Variants in SLC5A11 observed in about 807,000 individuals in gnomAD.
The protein encoded by SLC5A11 is solute carrier family 5 member 11.
A neutral mutation model predicts 69.8 loss-of-function variants in SLC5A11; 48 were observed. The observed-to-expected ratio is 0.69, with a 90% confidence interval of 0.55 to 0.87. The LOEUF is 0.87. SLC5A11 is among the 40% of genes least tolerant of loss of function. The pLI, the probability that SLC5A11 is intolerant of heterozygous loss-of-function variation, is 0.00. For synonymous variants in SLC5A11, 319 were observed against 342.4 expected (o/e 0.93, Z 0.75); for missense variants, 784 against 866.1 (o/e 0.91, Z 1.19).
At chr16:24,902,009 G>A (rs1400432755) in intron 10 of SLC5A11, among the ~76,000 whole-genome samples, 1 of 151,508 alleles carries the variant, frequency 6.6e-6, no homozygotes, top group Non-Finnish European at 1.5e-5. Flanking sequence ...CTACTCAGGA[G>A]GCTGAAGTGG....
intron 7 of SLC5A11, among the ~76,000 whole-genome samples, chr16:24,878,184 A>G (rs2047809339): frequency 6.6e-6 from 1 of 152,228 alleles, no homozygotes; most frequent in South Asian, 2.1e-4. Context: ...CATTTTTAAA[A>G]TGCACCACAA....
exon 13 of SLC5A11, chr16:24,908,052 A>G (rs17854935): frequency 6.2e-7 from 1 of 1,613,104 alleles, no homozygotes; most frequent in East Asian, 2.2e-5. Flanking sequence ...ATCTATATCC[A>G]GTCCATCAGC....
chr16:24,911,310 T>G lies in SLC5A11; in HGVS notation c.1823-18T>G. 2 of 1,613,286 alleles carry G rather than the reference T, an allele frequency of 1.2e-6. No individual in the cohort carries two copies. The highest frequency in any genetic ancestry group is 1.7e-6 in the Non-Finnish European group (2 of 1,179,840). Reference sequence around the variant, plus strand: ...TACAGACCACCTCTACGGTCTTCCTTTGCTGGGTTCTTTCTAGGTGACATG... The same window carrying G: ...TACAGACCACCTCTACGGTCTTCCTGTGCTGGGTTCTTTCTAGGTGACATG... On this transcript the variant is annotated intron_variant, in intron 15 of 15. Transcript: ENST00000347898.
chr16:24,869,990 A>T (rs758546885), exon 4 of SLC5A11: 20 of 1,612,818 alleles, frequency 1.2e-5, no homozygotes, highest in Non-Finnish European at 1.4e-5. Flanking sequence ...TTTCTGTATC[A>T]GCTTATGAAC....
chr16:24,868,287 CA>C (rs374049168), intron 3 of SLC5A11, among the ~76,000 whole-genome samples: 2,364 of 129,030 alleles, frequency 0.018, 52 homozygotes, highest in African/African-American at 0.05. Context: ...CAGATTCTTC[CA>C]AAAAAAAAAA....
chr16:24,861,563 GAA>G (rs1266153877), intron 2 of SLC5A11, among the ~76,000 whole-genome samples: 2 of 142,988 alleles, frequency 1.4e-5, no homozygotes, highest in African/African-American at 2.6e-5. Context: ...AGAAAAGAAA[GAA>G]AGAGAGAGAA....
In SLC5A11 at chr16:24,884,113, C is replaced by G. The variant is rs771692090; in HGVS notation, c.646C>G (p.Leu216Val). 1.7e-5 allele frequency: 28 copies of G among 1,613,976 alleles called. 1 individual carries two copies. The South Asian group carries it at 3.1e-4, about 18-fold the overall frequency. The change falls in exon 8 of 16, where the codon CTC (leucine) becomes GTC (valine). Residue 216 changes from leucine to valine, a missense_variant. Around this residue, in one of 3 missense-constraint regions of SLC5A11, gnomAD observed 550 missense variants for 606.4 expected, o/e 0.91. Coordinates refer to ENST00000347898, the Ensembl canonical transcript of SLC5A11. ...GACGCTGATCATGCTTATAGGAGCG[C>G]TCACCTTGATGGGCTACAGTAAGTG...
intron 1 of SLC5A11, among the ~76,000 whole-genome samples, chr16:24,852,534 A>AG (rs1446272300): frequency 6.6e-6 from 1 of 152,094 alleles, no homozygotes; most frequent in Non-Finnish European, 1.5e-5. Context: ...GGGCACAGGG[A>AG]GGGTTCTTCA....
At chr16:24,869,742 T>A (rs1251538446) in intron 3 of SLC5A11, among the ~76,000 whole-genome samples, 159 bp from the exon 5 acceptor site, 1 of 152,162 alleles carries the variant, frequency 6.6e-6, no homozygotes, top group East Asian at 1.9e-4. Flanking sequence ...GGAAGAAGAA[T>A]CTCATTCTAA....
intron 5 of SLC5A11, among the ~76,000 whole-genome samples, chr16:24,874,815 C>T (rs1452803439): frequency 6.6e-6 from 1 of 152,106 alleles, no homozygotes; most frequent in Non-Finnish European, 1.5e-5. Flanking sequence ...CTCTTGACCT[C>T]AGATGATCCT....
At chr16:24,865,187 C>G (rs1028047381) in intron 3 of SLC5A11, among the ~76,000 whole-genome samples, 3 of 152,140 alleles carry the variant, frequency 2.0e-5, no homozygotes, top group African/African-American at 7.2e-5. Flanking sequence ...CAAAGAGACT[C>G]ATACCTAAAT....
chr16:24,883,571 G>A (rs571631944), intron 7 of SLC5A11, among the ~76,000 whole-genome samples: 30 of 152,298 alleles, frequency 2.0e-4, no homozygotes, highest in Admixed American at 9.2e-4. Context: ...CTGGCTCTGC[G>A]AATTATAGTT....
chr16:24,862,732 C>A (rs2046656023), intron 3 of SLC5A11, 60 bp downstream of exon 4: 7 of 1,486,654 alleles, frequency 4.7e-6, no homozygotes, highest in Non-Finnish European at 6.6e-6. Context: ...TGCTGGGATT[C>A]TGTCCAGCCT....
At position 24,910,487 on chromosome 16, in the gene SLC5A11, TTCTC is replaced by T; in HGVS notation, c.1822+13_1822+16del. 1 of 1,613,322 alleles carries T rather than the reference TTCTC, an allele frequency of 6.2e-7. No homozygotes were observed. Among genetic ancestry groups the T allele is most frequent in the South Asian group, 1.1e-5 (1 of 91,006 alleles). On this transcript the variant is annotated intron_variant, in intron 15 of 15. Coordinates refer to ENST00000347898, the Ensembl canonical transcript of SLC5A11. ...TCTAAAACCCACAGCTGTGAGTAGC[TTCTC>T]TCCTCAGTTACAGCAAGAAGGAGTA...
At chr16:24,859,631 C>A (rs1034703352) in intron 2 of SLC5A11, among the ~76,000 whole-genome samples, 2 of 152,144 alleles carry the variant, frequency 1.3e-5, no homozygotes, top group Admixed American at 6.5e-5. Context: ...GCATATTTCC[C>A]TCTTTCTTAA....
intron 7 of SLC5A11, among the ~76,000 whole-genome samples, chr16:24,879,023 G>A (rs1402535874): frequency 2.0e-5 from 3 of 151,750 alleles, no homozygotes; most frequent in African/African-American, 7.3e-5. Context: ...CAACAGAGTG[G>A]GACTCTGTCT....
At chr16:24,890,535 A>C (rs368125838) in intron 8 of SLC5A11, among the ~76,000 whole-genome samples, 1,518 of 149,408 alleles carry the variant, frequency 0.01, 47 homozygotes, top group African/African-American at 0.035. Flanking sequence ...AAGGAAAGAA[A>C]GGAAGGAAGA....
chr16:24,869,631 C>T (rs1178485323), intron 3 of SLC5A11, among the ~76,000 whole-genome samples: 1 of 152,218 alleles, frequency 6.6e-6, no homozygotes, highest in African/African-American at 2.4e-5. Context: ...CTGTGCACTG[C>T]ACAACCCTAC....
chr16:24,901,506 T>G (rs766605322), intron 10 of SLC5A11, among the ~76,000 whole-genome samples: 17 of 151,948 alleles, frequency 1.1e-4, no homozygotes, highest in Non-Finnish European at 2.5e-4. Flanking sequence ...TCCCAGCTAC[T>G]TGGGAGGCTG....
Sources: gnomAD v4.1 joint callset for allele counts (sites outside exome capture counted in the v4.1 genomes callset) on GRCh38, gnomAD v4.1.1 for gene constraint, gnomAD v4.1.1 regional missense constraint, MANE v1.5 for transcripts, NCBI Gene and HGNC (gene_info 2026-07-23, HGNC 2026-07-21) for gene names.